The following ACSF2 variants were observed in gnomAD, a reference collection of about 807,000 sequenced individuals.
ACSF2 encodes acyl-CoA synthetase family member 2.
In ACSF2, 52 loss-of-function variants were observed where a neutral mutation model predicts 79.3. The observed-to-expected ratio is 0.66, with a 90% CI of 0.53 to 0.83. The LOEUF (loss-of-function observed/expected upper bound fraction) is 0.83, where lower values mean the gene tolerates loss of function less well. Ranked by LOEUF, ACSF2 falls within the 40% of genes least tolerant of loss-of-function variation. The pLI is 0.00. For missense variants in ACSF2, 661 were observed against 803.3 expected, an observed-to-expected ratio of 0.82 and a Z score of 2.14; for synonymous variants, 283 against 312.6, an observed-to-expected ratio of 0.91 and a Z score of 1.00.
intron 1 of ACSF2, chr17:50,460,236 T>TA (rs1244219915): frequency 2.2e-6 from 1 of 457,518 alleles, no homozygotes; most frequent in Non-Finnish European, 4.4e-6. Flanking sequence ...CCAAGGAGTC[T>TA]AAAATCCTAA....
intron 1 of ACSF2, among the ~76,000 whole-genome samples, chr17:50,434,695 AT>A (rs879273965): frequency 0.011 from 1,601 of 143,290 alleles, 34 homozygotes; most frequent in Admixed American, 0.062. Context: ...CAAAAAAATA[AT>A]TTTTTTTTTT....
At chr17:50,464,038 TGGGA>T in intron 9 of ACSF2, 129 bp downstream of exon 9, 4 of 333,122 alleles carry the variant, frequency 1.2e-5, no homozygotes, top group South Asian at 3.0e-5. Context: ...AAAATGTGGG[TGGGA>T]GGGAGGGAGA....
intron 4 of ACSF2, among the ~76,000 whole-genome samples, chr17:50,461,951 T>TGTGTGTGTGTGC (rs112810352): frequency 7.3e-5 from 11 of 150,480 alleles, no homozygotes; most frequent in African/African-American, 2.7e-4. Flanking sequence ...TGTGTGTGTG[T>TGTGTGTGTGTGC]GCGTGTGTCC....
chr17:50,426,842 G>C, intron 1 of ACSF2: 1 of 1,487,504 alleles, frequency 6.7e-7, no homozygotes, highest in South Asian at 1.2e-5. Context: ...CTCATCAGCT[G>C]CTCACTAACA....
At chr17:50,469,019 AG>A in intron 10 of ACSF2, 1 of 1,344,448 alleles carries the variant, frequency 7.4e-7, no homozygotes, top group Non-Finnish European at 9.5e-7. Context: ...TCCACGGGGA[AG>A]GGGGCGGGGC....
intron 10 of ACSF2, chr17:50,468,738 T>C: frequency 6.2e-7 from 1 of 1,608,420 alleles, no homozygotes; most frequent in Non-Finnish European, 8.5e-7. Context: ...CAGTGGCAGT[T>C]CTGGGGGCAG....
At chr17:50,448,584 TGTATGCCAC>T in intron 1 of ACSF2, among the ~76,000 whole-genome samples, 1 of 152,216 alleles carries the variant, frequency 6.6e-6, no homozygotes, top group African/African-American at 2.4e-5. Context: ...ATGAGGAATA[TGTATGCCAC>T]AGTAAACTAT....
intron 1 of ACSF2, among the ~76,000 whole-genome samples, chr17:50,430,590 G>A (rs62062122): frequency 0.23 from 35,244 of 151,994 alleles, 4,345 homozygotes; most frequent in Middle Eastern, 0.37. Context: ...GCTTAAACCC[G>A]GGAGGAGAAG....
chr17:50,467,631 G>C lies in ACSF2; in HGVS notation c.1215+3337G>C, dbSNP rs557913222. The stretch of plus-strand genomic sequence containing the variant: ...CCTGATCTGCCCAGCTCCTCTGGAA[G>C]GCTCCTCAATAAACAAACCTTCCTT... On this transcript the variant is annotated intron_variant, in intron 10 of 15. Transcript: ENST00000300441. Among the ~76,000 whole-genome samples the C allele has an allele frequency of 2.6e-5, 4 of 152,248 alleles. No individual in the cohort carries two copies. The East Asian group carries it at 7.7e-4, about 29-fold the overall frequency.
intron 10 of ACSF2, chr17:50,467,967 C>A: frequency 2.1e-6 from 3 of 1,459,082 alleles, no homozygotes; most frequent in Non-Finnish European, 2.8e-6. Flanking sequence ...ATGGTGCCAG[C>A]TGTGGCCCTG....
At chr17:50,461,441 C>T in intron 3 of ACSF2, 71 bp downstream of exon 3, 1 of 1,605,862 alleles carries the variant, frequency 6.2e-7, no homozygotes, top group South Asian at 1.1e-5. Context: ...CCCCTCAGGC[C>T]CTCAGCCCCA....
intron 1 of ACSF2, among the ~76,000 whole-genome samples, chr17:50,440,715 C>T (rs928521818): frequency 6.6e-6 from 1 of 152,242 alleles, no homozygotes. Context: ...TGTTTTCTGT[C>T]CAGTTCCTGC....
rs1555607413 is a variant in ACSF2, at chr17:50,439,259, T to TA, written c.128+12871dup. Among the ~76,000 whole-genome samples the TA allele has an allele frequency of 1.0e-3, 151 of 147,332 alleles. 1 individual carries two copies. The highest frequency in any genetic ancestry group is 3.6e-3 in the African/African-American group (144 of 39,716). On this transcript the variant is annotated intron_variant, in intron 1 of 15. Coordinates refer to ENST00000300441, the MANE Select transcript of ACSF2 (RefSeq NM_025149.6). ...TTTTTTTTTTTTTTTTTTTTTTTTT[T>TA]AGAGATGGTCTTGCTATGTTGCCCA... is the stretch of plus-strand genomic sequence containing the variant.
Position 50,426,999 on chromosome 17 carries a change from C to T in ACSF2, c.128+610C>T, listed in dbSNP as rs149038485. 1,125 of 1,535,488 alleles carry T rather than the reference C, an allele frequency of 7.3e-4. 4 individuals are homozygous for T. In the African/African-American group the frequency reaches 0.014, roughly 19 times the overall value. Reference sequence around the variant, plus strand: ...AGCACAGTAAGTAAAGCTGCCTTCCCGGTGTGACCAGTCCTTGGGAGGACC... The same window carrying T: ...AGCACAGTAAGTAAAGCTGCCTTCCTGGTGTGACCAGTCCTTGGGAGGACC... On this transcript the variant is annotated intron_variant, in intron 1 of 15. Transcript: ENST00000300441.
chr17:50,458,359 G>C (rs1318502800), intron 1 of ACSF2, among the ~76,000 whole-genome samples: 1 of 152,116 alleles, frequency 6.6e-6, no homozygotes, highest in Non-Finnish European at 1.5e-5. Flanking sequence ...CGTTCTCACA[G>C]CACTCCCTTT....
chr17:50,474,744 C>A lies in ACSF2; in HGVS notation c.*192C>A. The A allele has an allele frequency of 1.7e-6, 1 of 592,272 alleles. No individual in the cohort carries two copies. The highest frequency in any genetic ancestry group is 2.1e-5 in the South Asian group (1 of 47,378). 36.7% of individuals were successfully genotyped at this position (592,272 alleles called of 1,614,324 possible). On this transcript the variant is annotated 3_prime_UTR_variant, in exon 16 of 16. Coordinates refer to ENST00000300441, the MANE Select transcript of ACSF2 (RefSeq NM_025149.6). This position sits in a 1 kb window ranked among gnomAD's most constrained non-coding sequence, Gnocchi z 4.2. ...CGCCTGGGCACAAGGTGCCAAAAGGCAGGCAGCCTGCCCAGGCCCTCCCTC... is the reference window on the plus strand; with the variant it reads ...CGCCTGGGCACAAGGTGCCAAAAGGAAGGCAGCCTGCCCAGGCCCTCCCTC...
At position 50,463,312 on chromosome 17, in the gene ACSF2, G is replaced by A; in HGVS notation, c.888+61G>A. 1 of 1,610,140 alleles carries A rather than the reference G, an allele frequency of 6.2e-7. No homozygotes were observed. Among genetic ancestry groups the A allele is most frequent in the South Asian group, 1.1e-5 (1 of 90,666 alleles). On this transcript the variant is annotated intron_variant, in intron 7 of 15. Coordinates refer to ENST00000300441, the MANE Select transcript of ACSF2 (RefSeq NM_025149.6). This position sits in a 1 kb window ranked among gnomAD's most constrained non-coding sequence, Gnocchi z 4.6. ...AGGGGTGGCTCAGGCAGGGGTGGGG[G>A]GCTGGCTGGGCTCCCCTTGCCAGCT...
intron 10 of ACSF2, chr17:50,465,379 C>T (rs1241305082): frequency 6.2e-7 from 1 of 1,614,036 alleles, no homozygotes; most frequent in Non-Finnish European, 8.5e-7. Flanking sequence ...TGTGCTGGCC[C>T]TTGAACTTGG....
At chr17:50,428,698 C>T (rs1291923670) in intron 1 of ACSF2, among the ~76,000 whole-genome samples, 1 of 152,228 alleles carries the variant, frequency 6.6e-6, no homozygotes, top group Non-Finnish European at 1.5e-5. Context: ...AGGAGAATTA[C>T]TTGAACCTGG....
Sources: allele counts gnomAD v4.1 joint callset (sites outside exome capture counted in the v4.1 genomes callset), GRCh38; gene constraint gnomAD v4.1.1; non-coding constraint Gnocchi (gnomAD v3.1); transcripts MANE v1.5; gene names NCBI Gene and HGNC (gene_info 2026-07-23, HGNC 2026-07-21).